FRMD4B: variants seen among roughly 807,000 people sequenced by gnomAD.
FRMD4B encodes FERM domain containing 4B, also known as FERM domain-containing protein 4B.
A neutral mutation model predicts 141.5 loss-of-function variants in FRMD4B; 74 were observed. The ratio of observed to expected loss-of-function variants is 0.52; its 90% CI spans 0.43 to 0.63. FRMD4B has a LOEUF of 0.63. FRMD4B is among the 30% of genes least tolerant of loss of function. The pLI is 0.00. For missense variants in FRMD4B, 1,366 were observed against 1,253.4 expected (o/e 1.09, Z -1.36); for synonymous variants, 506 against 467.9 (o/e 1.08, Z -1.05).
chr3:69,332,435 T>C (rs992223389), intron 1 of FRMD4B, among the ~76,000 whole-genome samples: 1 of 152,204 alleles, frequency 6.6e-6, no homozygotes, highest in Non-Finnish European at 1.5e-5. Flanking sequence ...AGAGGGCACA[T>C]GCCTTGCCTG....
chr3:69,311,076 G>A (rs1305781579), intron 3 of FRMD4B, among the ~76,000 whole-genome samples, 187 bp downstream of exon 3: 3 of 152,094 alleles, frequency 2.0e-5, no homozygotes, highest in Admixed American at 6.6e-5. Flanking sequence ...TCCTAAAATG[G>A]TCAGTATCCC....
intron 2 of FRMD4B, among the ~76,000 whole-genome samples, chr3:69,420,290 C>A (rs114425508): frequency 2.1e-3 from 272 of 131,880 alleles, no homozygotes; most frequent in Admixed American, 5.3e-3. Flanking sequence ...AAAGGGATAT[C>A]AAAAAAAAAA....
intron 1 of FRMD4B, among the ~76,000 whole-genome samples, chr3:69,509,475 AG>A (rs1308479889): frequency 6.6e-6 from 1 of 152,112 alleles, no homozygotes; most frequent in Non-Finnish European, 1.5e-5. Flanking sequence ...CCCTTTCTCA[AG>A]GTGCTGGAAG....
intron 2 of FRMD4B, among the ~76,000 whole-genome samples, chr3:69,405,639 G>A (rs755035085): frequency 6.6e-6 from 1 of 152,198 alleles, no homozygotes; most frequent in Non-Finnish European, 1.5e-5. Context: ...TTACCTTTGA[G>A]GCAAACATAT....
At chr3:69,417,523 T>G (rs1042458605) in intron 2 of FRMD4B, among the ~76,000 whole-genome samples, 2 of 152,244 alleles carry the variant, frequency 1.3e-5, no homozygotes, top group African/African-American at 4.8e-5. Context: ...ATAGTTTCTT[T>G]TGCTGTGCAG....
At chr3:69,512,052 A>G (rs2107102961) in intron 1 of FRMD4B, among the ~76,000 whole-genome samples, 1 of 152,318 alleles carries the variant, frequency 6.6e-6, no homozygotes, top group Middle Eastern at 3.4e-3. Flanking sequence ...ATCCTCTGTC[A>G]CAGGACAAAA....
chr3:69,365,956 T>C (rs1357298249), intron 1 of FRMD4B, among the ~76,000 whole-genome samples: 1 of 152,048 alleles, frequency 6.6e-6, no homozygotes, highest in Non-Finnish European at 1.5e-5. Flanking sequence ...TGGTGGCTTA[T>C]GCCCGTAATC....
intron 17 of FRMD4B, among the ~76,000 whole-genome samples, chr3:69,191,469 A>T (rs1049898392): frequency 5.9e-5 from 9 of 152,302 alleles, no homozygotes; most frequent in African/African-American, 2.2e-4. Context: ...TTCAGTAAAG[A>T]AAAGTATCTC....
Position 69,372,929 on chromosome 3 carries a change from G to A in FRMD4B, c.162+12899C>T, listed in dbSNP as rs192590796. ...GAGTAACTTGCCCAGGGTTATACAC[G>A]TAATGGGTAGCAAAGCTGGGATTTG... On this transcript the variant is annotated intron_variant, in intron 1 of 22. Coordinates refer to ENST00000398540, the MANE Select transcript of FRMD4B (RefSeq NM_015123.3). 1.6e-3 allele frequency among the ~76,000 whole-genome samples: 243 copies of A among 152,272 alleles called. 1 individual carries two copies. The highest frequency in any genetic ancestry group is 0.014 in the Admixed American group (213 of 15,306).
intron 2 of FRMD4B, among the ~76,000 whole-genome samples, chr3:69,397,416 A>G (rs1240013589): frequency 6.6e-6 from 1 of 152,184 alleles, no homozygotes; most frequent in Non-Finnish European, 1.5e-5. Context: ...ATAGTTGTGC[A>G]ACTTTGTGAT....
chr3:69,336,494 A>T (rs1397171617), intron 1 of FRMD4B: 1 of 152,276 alleles, frequency 6.6e-6, no homozygotes, highest in African/African-American at 2.4e-5. Context: ...ATAAAGGATA[A>T]GTCTGCTTAC....
Position 69,338,317 on chromosome 3 carries a change from GA to G in FRMD4B, c.163-24801del, listed in dbSNP as rs1193071943. 4.0e-3 allele frequency among the ~76,000 whole-genome samples: 611 copies of G among 152,250 alleles called. 4 individuals are homozygous for G. The highest frequency in any genetic ancestry group is 0.013 in the African/African-American group (551 of 41,522). ...CTCTGGGGACTGTTGTGAGTGGGGAGAGGGGGGAGGGATAGCATTAGGAGAT... is the reference window on the plus strand; with the variant it reads ...CTCTGGGGACTGTTGTGAGTGGGGAGGGGGGGAGGGATAGCATTAGGAGAT... On this transcript the variant is annotated intron_variant, in intron 1 of 22. Coordinates refer to ENST00000398540, the MANE Select transcript of FRMD4B (RefSeq NM_015123.3).
chr3:69,205,892 G>A (rs1205222110), intron 11 of FRMD4B, among the ~76,000 whole-genome samples: 1 of 152,168 alleles, frequency 6.6e-6, no homozygotes, highest in African/African-American at 2.4e-5. Flanking sequence ...TTTCAACTAT[G>A]CCTGTTCACA....
chr3:69,381,561 T>C (rs1350528023), intron 1 of FRMD4B, among the ~76,000 whole-genome samples: 1 of 152,178 alleles, frequency 6.6e-6, no homozygotes, highest in Non-Finnish European at 1.5e-5. Context: ...CAGTAAAATA[T>C]GTAACTCCCT....
At position 69,330,340 on chromosome 3, in the gene FRMD4B, C is replaced by CTCTTTTTTTTTT. The variant is rs1225031283; in HGVS notation, c.163-16824_163-16823insAAAAAAAAAAGA. Reference sequence around the variant, plus strand: ...CAACATTATATTTTGATTCTTTTGCCTTTTTTTTTTTTTTTTTTTTTTTTG... The same window carrying CTCTTTTTTTTTT: ...CAACATTATATTTTGATTCTTTTGCCTCTTTTTTTTTTTTTTTTTTTTTTTTTTTTTTTTTTG... On this transcript the variant is annotated intron_variant, in intron 1 of 22. Transcript: ENST00000398540. Among the ~76,000 whole-genome samples the CTCTTTTTTTTTT allele has an allele frequency of 1.4e-4, 6 of 42,928 alleles. 1 individual carries two copies. Among genetic ancestry groups the CTCTTTTTTTTTT allele is most frequent in the African/African-American group, 6.0e-4 (5 of 8,326 alleles). The allele number at this position is 42,928 out of a possible 152,430, so 28.2% of individuals were successfully genotyped here. A position where few individuals can be genotyped will look rare whatever the true frequency, so the allele number is the denominator to read the frequency against.
At chr3:69,488,502 C>G (rs944504598) in intron 1 of FRMD4B, among the ~76,000 whole-genome samples, 2 of 152,128 alleles carry the variant, frequency 1.3e-5, no homozygotes, top group African/African-American at 2.4e-5. Context: ...GTCTTTTCAA[C>G]AAATCATGCT....
At position 69,494,247 on chromosome 3, in the gene FRMD4B, G is replaced by A. The variant is rs142935319; in HGVS notation, c.-129+47959C>T. 2.3e-3 allele frequency among the ~76,000 whole-genome samples: 356 copies of A among 152,302 alleles called. 3 individuals carry two copies. Among genetic ancestry groups the A allele is most frequent in the African/African-American group, 8.2e-3 (341 of 41,566 alleles). On this transcript the variant is annotated intron_variant, in intron 1 of 5. Transcript: ENST00000459638. ...ACCACGAATGGTTAACCACAGGGAG[G>A]TGGTGTATACTGGGTGGGTCCAGGG...
chr3:69,401,056 T>C (rs948791318), intron 2 of FRMD4B, among the ~76,000 whole-genome samples: 3 of 152,200 alleles, frequency 2.0e-5, no homozygotes, highest in Non-Finnish European at 4.4e-5. Context: ...TTAGAGAAGA[T>C]AAATAATTAA....
chr3:69,243,383 C>A (rs921602786), intron 7 of FRMD4B, among the ~76,000 whole-genome samples: 1 of 151,968 alleles, frequency 6.6e-6, no homozygotes, highest in Non-Finnish European at 1.5e-5. Flanking sequence ...ATGGGCCATG[C>A]GGAGAAAAAA....
Sources: gnomAD v4.1 joint callset for allele counts (sites outside exome capture counted in the v4.1 genomes callset) on GRCh38, gnomAD v4.1.1 for gene constraint, MANE v1.5 for transcripts, NCBI Gene and HGNC (gene_info 2026-07-23, HGNC 2026-07-21) for gene names.